SFSWAP: variants seen among roughly 807,000 people sequenced by gnomAD.
SFSWAP encodes splicing factor, suppressor of white-apricot homolog.
In SFSWAP, 17 loss-of-function variants were observed where a neutral mutation model predicts 100.7. That is an observed-to-expected ratio of 0.17 (90% CI 0.12 to 0.25). SFSWAP has a LOEUF of 0.25. Ranked by LOEUF, SFSWAP falls within the 10% of genes least tolerant of loss-of-function variation. SFSWAP has a pLI of 1.00. For missense variants in SFSWAP, 1,005 were observed against 1,262.6 expected (o/e 0.80, Z 3.09); for synonymous variants, 504 against 510.1 (o/e 0.99, Z 0.16).
rs1463039161 is a variant in SFSWAP at position 131,794,961 on chromosome 12, G to A, written c.2535-2217G>A. On this transcript the variant is annotated intron_variant, in intron 15 of 17. Transcript: ENST00000261674. This position sits in a 1 kb window ranked among gnomAD's most constrained non-coding sequence, Gnocchi z 4.8. ...GCCACATAAACTCAGCTGGATTTGG[G>A]GAGTAAGTCATTTTGGACACATGTC... is the stretch of plus-strand genomic sequence containing the variant. Among the ~76,000 whole-genome samples, 2 of 152,180 alleles carry A rather than the reference G, an allele frequency of 1.3e-5. No homozygotes were observed. The highest frequency in any genetic ancestry group is 4.8e-5 in the African/African-American group (2 of 41,438).
chr12:131,765,613 A>G (rs1344364630), intron 12 of SFSWAP, among the ~76,000 whole-genome samples: 6 of 152,078 alleles, frequency 3.9e-5, no homozygotes, highest in African/African-American at 1.4e-4. Flanking sequence ...ACGCCATTGC[A>G]CTACAGCCTG....
intron 13 of SFSWAP, among the ~76,000 whole-genome samples, chr12:131,776,175 G>GAGAAAGAC (rs1884010337): frequency 6.6e-6 from 1 of 152,188 alleles, no homozygotes; most frequent in African/African-American, 2.4e-5. Context: ...AATTTTAAAT[G>GAGAAAGAC]AGAAAGACCT....
intron 14 of SFSWAP, among the ~76,000 whole-genome samples, chr12:131,779,226 C>CGCGGGTGAGCGTGTGTGAAGAGGGCGGT: frequency 6.7e-6 from 1 of 150,002 alleles, no homozygotes; most frequent in Non-Finnish European, 1.5e-5. Flanking sequence ...AAGAGGGCGG[C>CGCGGGTGAGCGTGTGTGAAGAGGGCGGT]GCGGGTGAGC....
At chr12:131,716,482 CAT>C (rs1230394011) in intron 3 of SFSWAP, among the ~76,000 whole-genome samples, 9 of 152,204 alleles carry the variant, frequency 5.9e-5, no homozygotes, top group Non-Finnish European at 1.0e-4. Flanking sequence ...AAGCCACACA[CAT>C]GAGTTCAGCT....
At chr12:131,737,050 T>G (rs911767342) in intron 7 of SFSWAP, among the ~76,000 whole-genome samples, 4 of 152,076 alleles carry the variant, frequency 2.6e-5, no homozygotes, top group African/African-American at 9.7e-5. Context: ...TAGTACAGTT[T>G]TAGTAGTAGC....
intron 16 of SFSWAP, among the ~76,000 whole-genome samples, chr12:131,798,295 C>A (rs1469119300): frequency 6.6e-6 from 1 of 152,074 alleles, no homozygotes; most frequent in Non-Finnish European, 1.5e-5. Context: ...CAGAGAGAGA[C>A]CCTGTTTCTG....
chr12:131,765,718 T>G (rs1195508401), intron 12 of SFSWAP, among the ~76,000 whole-genome samples: 1 of 152,190 alleles, frequency 6.6e-6, no homozygotes, highest in Non-Finnish European at 1.5e-5. Context: ...TGCTGTGGTG[T>G]TCTCCCTAAG....
chr12:131,782,972 G>T (rs764080524), intron 14 of SFSWAP, among the ~76,000 whole-genome samples: 11 of 152,136 alleles, frequency 7.2e-5, no homozygotes, highest in Non-Finnish European at 1.0e-4. Flanking sequence ...CCTGAGGTCA[G>T]GAGTTTAAGG....
chr12:131,772,891 C>T (rs1188248129), intron 13 of SFSWAP, among the ~76,000 whole-genome samples: 1 of 152,184 alleles, frequency 6.6e-6, no homozygotes, highest in Non-Finnish European at 1.5e-5. Flanking sequence ...AAGTGGCTCT[C>T]AGCAGAAAGG....
intron 11 of SFSWAP, among the ~76,000 whole-genome samples, chr12:131,763,326 C>T (rs1039393756): frequency 6.6e-6 from 1 of 152,160 alleles, no homozygotes; most frequent in African/African-American, 2.4e-5. Flanking sequence ...ACCTGGTTTG[C>T]GGTGCACTTA....
In SFSWAP at chr12:131,778,175, A is replaced by C. The variant is rs761714695; in HGVS notation, c.2253A>C (p.Glu751Asp). ...GCAAAAGCAAAGATCCACCGAGAGA[A>C]GAAGAGAAAGAAAAGAAAAAGAAAA... ...PSSKSKDPPR[E>D]EEKEKKKKKH... Residue 751 changes from glutamate (E) to aspartate (D), a missense_variant, in exon 14 of 18, where the codon GAA (glutamate) becomes GAC (aspartate). Physicochemically the swap from Glu to Asp is conservative, Grantham distance 45. This residue lies in a region of SFSWAP where 295 missense variants were observed against 347.9 expected (regional missense o/e 0.85). Transcript: ENST00000261674. This position sits in a 1 kb window ranked among gnomAD's most constrained non-coding sequence, Gnocchi z 4.2. The C allele has an allele frequency of 5.6e-6, 9 of 1,614,046 alleles. No homozygotes were observed. The highest frequency in any genetic ancestry group is 6.8e-6 in the Non-Finnish European group (8 of 1,179,996).
chr12:131,745,058 G>T (rs1880987888), intron 7 of SFSWAP, among the ~76,000 whole-genome samples: 1 of 152,204 alleles, frequency 6.6e-6, no homozygotes, highest in Non-Finnish European at 1.5e-5. Context: ...ATGAGATGTG[G>T]GTGGGGACAC....
At chr12:131,755,815 G>C (rs1882101512) in intron 10 of SFSWAP, among the ~76,000 whole-genome samples, 1 of 152,222 alleles carries the variant, frequency 6.6e-6, no homozygotes, top group Non-Finnish European at 1.5e-5. Flanking sequence ...TGCTTCTGTT[G>C]TGTTAACATG....
chr12:131,768,050 C>T (rs1883263061), intron 13 of SFSWAP, among the ~76,000 whole-genome samples: 1 of 152,262 alleles, frequency 6.6e-6, no homozygotes, highest in South Asian at 2.1e-4. Context: ...CGTGCTCGCT[C>T]ATCTATATGT....
chr12:131,755,306 G>A, intron 9 of SFSWAP, 80 bp from the exon 10 acceptor site: 1 of 955,024 alleles, frequency 1.0e-6, no homozygotes, highest in Non-Finnish European at 1.7e-6. Flanking sequence ...GATCAGTAAA[G>A]AGCTAGGAGA....
intron 13 of SFSWAP, among the ~76,000 whole-genome samples, chr12:131,774,223 C>T (rs917940281): frequency 3.3e-5 from 5 of 152,160 alleles, no homozygotes; most frequent in African/African-American, 4.8e-5. Context: ...TGGAGAGCAA[C>T]GCCGCAGTGT....
intron 7 of SFSWAP, among the ~76,000 whole-genome samples, chr12:131,744,619 G>A (rs1330025942): frequency 6.6e-6 from 1 of 152,178 alleles, no homozygotes; most frequent in Non-Finnish European, 1.5e-5. Context: ...CTTCTTTTGA[G>A]CCCTCCAAAC....
intron 13 of SFSWAP, among the ~76,000 whole-genome samples, chr12:131,771,812 G>A (rs183859764): frequency 0.016 from 2,452 of 152,044 alleles, 70 homozygotes; most frequent in African/African-American, 0.053. Flanking sequence ...ATAGGCGGGC[G>A]CCACCACGCC....
chr12:131,758,870 A>T (rs1882412955), intron 11 of SFSWAP, among the ~76,000 whole-genome samples: 1 of 152,198 alleles, frequency 6.6e-6, no homozygotes, highest in South Asian at 2.1e-4. Flanking sequence ...GGATCACTTA[A>T]GCCGGGGAGA....
Sources: gnomAD v4.1 joint callset for allele counts (sites outside exome capture counted in the v4.1 genomes callset) on GRCh38, gnomAD v4.1.1 for gene constraint, gnomAD v4.1.1 regional missense constraint, Gnocchi (gnomAD v3.1) non-coding constraint, MANE v1.5 for transcripts, NCBI Gene and HGNC (gene_info 2026-07-23, HGNC 2026-07-21) for gene names.